The following EXOC4 variants were observed in gnomAD, a reference collection of about 807,000 sequenced individuals.
The protein encoded by EXOC4 is exocyst complex component 4, also known as SEC8-like 1.
EXOC4 carries 71 observed loss-of-function variants against 107.2 expected under a neutral mutation model. The observed-to-expected ratio is 0.66, with a 90% CI of 0.55 to 0.81. The LOEUF is 0.81. Ranked by LOEUF, EXOC4 falls within the 30% of genes least tolerant of loss-of-function variation. EXOC4 has a pLI of 0.00. For synonymous variants in EXOC4, 456 were observed against 441.2 expected, an observed-to-expected ratio of 1.03 and a Z score of -0.42; for missense variants, 1,108 against 1,189.6, an observed-to-expected ratio of 0.93 and a Z score of 1.01.
chr7:133,489,242 A>G (rs944339319), intron 9 of EXOC4, among the ~76,000 whole-genome samples: 1 of 152,122 alleles, frequency 6.6e-6, no homozygotes, highest in Non-Finnish European at 1.5e-5. Context: ...GATCCTAGTA[A>G]TGTTCTCTTT....
chr7:133,823,870 T>TAA (rs1554405846), intron 11 of EXOC4, among the ~76,000 whole-genome samples: 8 of 12,296 alleles, frequency 6.5e-4, no homozygotes, highest in African/African-American at 3.3e-3. Flanking sequence ...TATATATATA[T>TAA]ATTATATATA....
chr7:133,792,310 C>T (rs1354679161), intron 10 of EXOC4, among the ~76,000 whole-genome samples: 3 of 152,010 alleles, frequency 2.0e-5, no homozygotes, highest in African/African-American at 2.4e-5. Context: ...CTCAGCACTT[C>T]GGGAGGCCAA....
At chr7:133,933,015 C>T (rs1364067578) in intron 13 of EXOC4, among the ~76,000 whole-genome samples, 1 of 151,302 alleles carries the variant, frequency 6.6e-6, no homozygotes, top group Non-Finnish European at 1.5e-5. Context: ...ATGTTTCGTT[C>T]ATAATTGCAT....
chr7:133,531,039 A>G (rs1800172930), intron 9 of EXOC4, among the ~76,000 whole-genome samples: 1 of 152,170 alleles, frequency 6.6e-6, no homozygotes, highest in Non-Finnish European at 1.5e-5. Flanking sequence ...AACGGAGGCT[A>G]AAATCATTAG....
chr7:133,282,827 A>G (rs999001692), intron 2 of EXOC4, among the ~76,000 whole-genome samples: 1 of 152,164 alleles, frequency 6.6e-6, no homozygotes, highest in African/African-American at 2.4e-5. Context: ...CAGGCATACA[A>G]TACATTGTTA....
chr7:133,756,652 CT>C (rs1795923899), intron 10 of EXOC4, among the ~76,000 whole-genome samples: 1 of 152,170 alleles, frequency 6.6e-6, no homozygotes, highest in South Asian at 2.1e-4. Flanking sequence ...GATCAAGAAT[CT>C]TTTGCCCTAA....
intron 5 of EXOC4, among the ~76,000 whole-genome samples, chr7:133,323,515 A>T (rs1308275999): frequency 6.6e-6 from 1 of 152,090 alleles, no homozygotes; most frequent in Non-Finnish European, 1.5e-5. Flanking sequence ...GATTATGTTT[A>T]TTGATTTGTG....
At chr7:133,821,174 A>G (rs7786012) in intron 11 of EXOC4, among the ~76,000 whole-genome samples, 3,759 of 152,334 alleles carry the variant, frequency 0.025, 164 homozygotes, top group African/African-American at 0.086. Context: ...AGTAGCATTT[A>G]CTGTGAGTCA....
At chr7:133,266,693 G>A (rs1280321735) in intron 1 of EXOC4, among the ~76,000 whole-genome samples, 2 of 152,136 alleles carry the variant, frequency 1.3e-5, no homozygotes, top group Non-Finnish European at 2.9e-5. Context: ...AAAATCTCTA[G>A]GCCTGAATTG....
At chr7:133,294,708 G>A (rs1563006324) in intron 3 of EXOC4, among the ~76,000 whole-genome samples, 3 of 152,052 alleles carry the variant, frequency 2.0e-5, no homozygotes, top group South Asian at 4.2e-4. Flanking sequence ...TGTAAATGTG[G>A]CCATATCTGG....
At chr7:133,488,037 C>T (rs1369141454) in intron 9 of EXOC4, among the ~76,000 whole-genome samples, 2 of 151,970 alleles carry the variant, frequency 1.3e-5, no homozygotes, top group East Asian at 3.9e-4. Context: ...TTATTAGAAA[C>T]AGATGAAAAT....
intron 10 of EXOC4, among the ~76,000 whole-genome samples, chr7:133,716,102 C>CTTTAAGAATGTTGT (rs1794993044): frequency 6.6e-6 from 1 of 152,200 alleles, no homozygotes; most frequent in Non-Finnish European, 1.5e-5. Context: ...GTACATGCTA[C>CTTTAAGAATGTTGT]AACACTACAT....
intron 4 of EXOC4, among the ~76,000 whole-genome samples, chr7:133,310,106 CT>C (rs1794837363): frequency 1.3e-5 from 2 of 152,278 alleles, no homozygotes; most frequent in South Asian, 4.1e-4. Flanking sequence ...TTGTTTTCGA[CT>C]TTAATAATTA....
chr7:133,952,659 C>T (rs1169645031), intron 14 of EXOC4, among the ~76,000 whole-genome samples: 1 of 152,188 alleles, frequency 6.6e-6, no homozygotes, highest in African/African-American at 2.4e-5. Context: ...TTCTCCTTCC[C>T]TCCAGCCCTT....
At chr7:133,928,248 G>A (rs1800095422) in intron 13 of EXOC4, among the ~76,000 whole-genome samples, 1 of 152,148 alleles carries the variant, frequency 6.6e-6, no homozygotes, top group Non-Finnish European at 1.5e-5. Context: ...GCTGGCAGTG[G>A]TCACCTGTGC....
chr7:133,500,840 T>C (rs1799561837), intron 9 of EXOC4, among the ~76,000 whole-genome samples: 1 of 152,194 alleles, frequency 6.6e-6, no homozygotes, highest in African/African-American at 2.4e-5. Flanking sequence ...TTATATTTAA[T>C]ATAACATCTT....
chr7:133,683,631 C>G lies in EXOC4; in HGVS notation c.1514+53490C>G, dbSNP rs1585076751. On this transcript the variant is annotated intron_variant, in intron 10 of 17. Transcript: ENST00000253861. ...TTCTAGTAAAGCCCCCGTTTAAAAG[C>G]TCTACCCCTAAAAATAAAACAAGAA... Among the ~76,000 whole-genome samples, 6 of 152,140 alleles carry G rather than the reference C, an allele frequency of 3.9e-5. No individual in the cohort carries two copies. The South Asian group carries it at 1.2e-3, about 32-fold the overall frequency.
chr7:133,693,585 G>T (rs1396846738), intron 10 of EXOC4, among the ~76,000 whole-genome samples: 1 of 152,160 alleles, frequency 6.6e-6, no homozygotes, highest in African/African-American at 2.4e-5. Flanking sequence ...TTAGAAAGTC[G>T]TGTAGCCACG....
rs1563101091 is a variant in EXOC4, at chr7:133,538,857, A to AG, written c.1417+58719_1417+58720insG. ...TGAAAGAAAAAGAAAGAAAGAAAGA[A>AG]AGAGAGAGAGAGAGAGAGAGAGAGA... On this transcript the variant is annotated intron_variant, in intron 9 of 17. Transcript: ENST00000253861. Among the ~76,000 whole-genome samples the AG allele has an allele frequency of 2.9e-3, 208 of 72,172 alleles. 3 individuals are homozygous for AG. The highest frequency in any genetic ancestry group is 9.3e-3 in the African/African-American group (172 of 18,516). The allele number at this position is 72,172 out of a possible 152,430, so 47.3% of individuals were successfully genotyped here. A position where few individuals can be genotyped will look rare whatever the true frequency, so the allele number is the denominator to read the frequency against.
Sources: gnomAD v4.1 joint callset for allele counts (sites outside exome capture counted in the v4.1 genomes callset) on GRCh38, gnomAD v4.1.1 for gene constraint, MANE v1.5 for transcripts, NCBI Gene and HGNC (gene_info 2026-07-23, HGNC 2026-07-21) for gene names.